TRERF1: variants seen among roughly 807,000 people sequenced by gnomAD.
TRERF1 encodes the protein transcriptional-regulating factor 1.
Under a neutral mutation model 122.9 loss-of-function variants are expected in TRERF1, and 27 were observed. That is an observed-to-expected ratio of 0.22 (90% CI 0.16 to 0.30). The LOEUF is 0.30. Among genes scored for constraint, TRERF1 ranks in the 10% least tolerant of loss-of-function variants. TRERF1 has a pLI of 1.00. For synonymous variants in TRERF1, 636 were observed against 641.7 expected (o/e 0.99, Z 0.13); for missense variants, 1,248 against 1,560.3 (o/e 0.80, Z 3.37).
rs561872014 is a variant in TRERF1 at position 42,289,515 on chromosome 6, T to C, written c.-259+11123A>G. Among the ~76,000 whole-genome samples, 5 of 152,216 alleles carry C rather than the reference T, an allele frequency of 3.3e-5. No homozygotes were observed. The South Asian group carries it at 8.3e-4, about 25-fold the overall frequency. ...AGGCTATTATGTAGGACTTACATAA[T>C]AAGAAAGAAAATTCTACACATTTTT... On this transcript the variant is annotated intron_variant, in intron 4 of 17. Coordinates refer to ENST00000372922, the Ensembl canonical transcript of TRERF1.
intron 13 of TRERF1, among the ~76,000 whole-genome samples, chr6:42,251,778 C>T (rs1289927140): frequency 1.3e-5 from 2 of 152,100 alleles, no homozygotes; most frequent in Non-Finnish European, 2.9e-5. Context: ...AGGTCTCCTC[C>T]ATCTCCACAA....
intron 2 of TRERF1, among the ~76,000 whole-genome samples, chr6:42,394,764 T>TA (rs549368532): frequency 1.0e-3 from 158 of 151,136 alleles, no homozygotes; most frequent in South Asian, 2.9e-3. Context: ...TTGAGAATAT[T>TA]AAAAAAAAAC....
intron 2 of TRERF1, among the ~76,000 whole-genome samples, chr6:42,417,129 G>T (rs2151509894): frequency 6.6e-6 from 1 of 152,184 alleles, no homozygotes; most frequent in Non-Finnish European, 1.5e-5. Context: ...AGACAGGTTT[G>T]CAACAAACCA....
At chr6:42,324,676 T>C (rs1763986240) in intron 3 of TRERF1, among the ~76,000 whole-genome samples, 2 of 152,212 alleles carry the variant, frequency 1.3e-5, no homozygotes, top group South Asian at 4.1e-4. Flanking sequence ...CAATAAATAG[T>C]GCTCAGAAAA....
At chr6:42,368,406 G>A (rs1303755994) in intron 2 of TRERF1, among the ~76,000 whole-genome samples, 1 of 151,896 alleles carries the variant, frequency 6.6e-6, no homozygotes, top group African/African-American at 2.4e-5. Flanking sequence ...CCCAAGTTAG[G>A]TTCCTTTTTA....
intron 13 of TRERF1, among the ~76,000 whole-genome samples, chr6:42,252,820 A>C (rs188960855): frequency 6.6e-6 from 1 of 152,336 alleles, no homozygotes; most frequent in East Asian, 1.9e-4. Context: ...AAACTTCTAG[A>C]AGATTCTCTG....
chr6:42,340,724 C>T (rs569308718), intron 3 of TRERF1, among the ~76,000 whole-genome samples: 3 of 152,296 alleles, frequency 2.0e-5, no homozygotes, highest in South Asian at 2.1e-4. Flanking sequence ...CCTCAGCCTC[C>T]TGAGTAGCTG....
chr6:42,262,466 G>GAGAGAGAGAGAGAGAGAGACA (rs747014228), intron 8 of TRERF1, among the ~76,000 whole-genome samples: 2 of 6,408 alleles, frequency 3.1e-4, no homozygotes, highest in Admixed American at 1.4e-3. Flanking sequence ...GAGAGAGAGA[G>GAGAGAGAGAGAGAGAGAGACA]GAGAGAGAGA....
At chr6:42,379,580 G>A (rs537934876) in intron 2 of TRERF1, among the ~76,000 whole-genome samples, 2 of 152,218 alleles carry the variant, frequency 1.3e-5, no homozygotes, top group East Asian at 3.9e-4. Flanking sequence ...ACCCAGGCTG[G>A]AGTGCAGTGG....
At chr6:42,285,402 T>C (rs1783020584) in intron 4 of TRERF1, among the ~76,000 whole-genome samples, 1 of 152,112 alleles carries the variant, frequency 6.6e-6, no homozygotes, top group Non-Finnish European at 1.5e-5. Flanking sequence ...TGGGGTTTTC[T>C]AGATATACAA....
At chr6:42,279,758 C>CTG (rs1781960648) in intron 4 of TRERF1, among the ~76,000 whole-genome samples, 2 of 151,926 alleles carry the variant, frequency 1.3e-5, no homozygotes, top group Admixed American at 1.3e-4. Context: ...CTCTCCAGGC[C>CTG]TGTGTGTGTG....
chr6:42,299,523 T>C (rs1785769177), intron 4 of TRERF1, among the ~76,000 whole-genome samples: 1 of 152,168 alleles, frequency 6.6e-6, no homozygotes, highest in Non-Finnish European at 1.5e-5. Context: ...AGTGGGAGGC[T>C]TTAACACACC....
chr6:42,234,226 TC>T (rs1414460477), intron 16 of TRERF1, among the ~76,000 whole-genome samples: 1 of 152,146 alleles, frequency 6.6e-6, no homozygotes, highest in Non-Finnish European at 1.5e-5. Context: ...ATCCAATGAG[TC>T]CTGGCTTCCA....
At position 42,275,612 on chromosome 6, in the gene TRERF1, G is replaced by C. The variant is rs1197956770; in HGVS notation, c.-258-5764C>G. 6.6e-6 allele frequency among the ~76,000 whole-genome samples: 1 copy of C among 152,218 alleles called. No individual in the cohort carries two copies. Among genetic ancestry groups the C allele is most frequent in the Non-Finnish European group, 1.5e-5 (1 of 68,024 alleles). On this transcript the variant is annotated intron_variant, in intron 4 of 17. Transcript: ENST00000372922. The surrounding 1 kb of genome is among the most constrained non-coding windows in gnomAD (Gnocchi z 4.1). ...ATGCTCAACAAACGCTCACTGAACT[G>C]CAACACTGCGCTAGGCAAAGGAGAC...
At chr6:42,362,252 C>T (rs1320126324) in intron 3 of TRERF1, among the ~76,000 whole-genome samples, 3 of 152,044 alleles carry the variant, frequency 2.0e-5, no homozygotes, top group South Asian at 2.1e-4. Context: ...AAAAAGAAAC[C>T]GAAGCAATCA....
rs538289039 is a variant in TRERF1, at chr6:42,284,346, G to A, written c.-258-14498C>T. On this transcript the variant is annotated intron_variant, in intron 4 of 17. Transcript: ENST00000372922. Reference sequence around the variant, plus strand: ...CTCCCAAAGTGTTGGGATCACAGGCGTGAGCCACGGCACCACAGTGCCAGT... The same window carrying A: ...CTCCCAAAGTGTTGGGATCACAGGCATGAGCCACGGCACCACAGTGCCAGT... Among the ~76,000 whole-genome samples the A allele has an allele frequency of 2.6e-5, 4 of 151,946 alleles. No individual in the cohort carries two copies. In the South Asian group the frequency reaches 8.3e-4, roughly 31 times the overall value.
rs1767006718 is a variant in TRERF1 at position 42,340,307 on chromosome 6, C to G, written c.-371+22690G>C. On this transcript the variant is annotated intron_variant, in intron 3 of 17. Transcript: ENST00000372922. Reference sequence around the variant, plus strand: ...GCTTTAAGGGATGTGTTAAGTACCCCCAAGACTACCTTGGAGGGAGGGCAG... The same window carrying G: ...GCTTTAAGGGATGTGTTAAGTACCCGCAAGACTACCTTGGAGGGAGGGCAG... 2.0e-5 allele frequency among the ~76,000 whole-genome samples: 3 copies of G among 152,048 alleles called. No homozygotes were observed. In the South Asian group the frequency reaches 6.2e-4, roughly 32 times the overall value.
intron 2 of TRERF1, among the ~76,000 whole-genome samples, chr6:42,434,956 C>T (rs1184864938): frequency 6.6e-6 from 1 of 151,938 alleles, no homozygotes; most frequent in Non-Finnish European, 1.5e-5. Context: ...GGTGAAACCC[C>T]GTCTCAACTA....
rs1373159829 is a variant in TRERF1, at chr6:42,269,005, C to T, written c.586G>A (p.Ala196Thr). The T allele has an allele frequency of 2.5e-6, 4 of 1,613,270 alleles. No individual in the cohort carries two copies. The highest frequency in any genetic ancestry group is 3.4e-6 in the Non-Finnish European group (4 of 1,179,540). ...ACCTGCTGGTAGCGGGAAGGGATAG[C>T]CGGTGCTGGGGGCTCCATGGGCTTC... Residue 196 changes from alanine (A) to threonine (T), a missense_variant, in exon 5 of 18, where the codon GCT becomes ACT. Physicochemically the swap from Ala to Thr is moderately conservative, Grantham distance 58. This residue lies in a region of TRERF1 where 946 missense variants were observed against 1,073.0 expected (regional missense o/e 0.88). Transcript: ENST00000372922. This position sits in a 1 kb window ranked among gnomAD's most constrained non-coding sequence, Gnocchi z 4.9.
Sources: allele counts gnomAD v4.1 joint callset (sites outside exome capture counted in the v4.1 genomes callset), GRCh38; gene constraint gnomAD v4.1.1; regional missense constraint gnomAD v4.1.1; non-coding constraint Gnocchi (gnomAD v3.1); transcripts MANE v1.5; gene names NCBI Gene and HGNC (gene_info 2026-07-23, HGNC 2026-07-21).